MAGI3: variants seen among roughly 807,000 people sequenced by gnomAD.
MAGI3 encodes membrane-associated guanylate kinase, WW and PDZ domain-containing protein 3.
Under a neutral mutation model 121.8 loss-of-function variants are expected in MAGI3, and 43 were observed. The ratio of observed to expected loss-of-function variants is 0.35; its 90% CI spans 0.28 to 0.46. The LOEUF (loss-of-function observed/expected upper bound fraction) is 0.46. MAGI3 is among the 20% of genes least tolerant of loss of function. The probability of loss-of-function intolerance (pLI) is 1.00; values close to 1 mark genes in which losing one functional copy is unlikely to be tolerated. For synonymous variants in MAGI3, 553 were observed against 639.3 expected (o/e 0.86, Z 2.04); for missense variants, 1,547 against 1,797.3 (o/e 0.86, Z 2.52).
chr1:113,536,144 GTT>G (rs34587648), intron 1 of MAGI3, among the ~76,000 whole-genome samples: 69 of 145,546 alleles, frequency 4.7e-4, no homozygotes, highest in African/African-American at 8.4e-4. Flanking sequence ...GAAGACATGT[GTT>G]TTTTTTTTTT....
In MAGI3 at chr1:113,416,211, TATTATGTGTAATTAATGACACATATTA is replaced by T. The variant is rs1557744167; in HGVS notation, c.316+24870_316+24896del. ...TAATTATGTAATTAATGACACATAT[TATTATGTGTAATTAATGACACATATTA>T]ATTATGTAATTAATTACACATATTA... is the stretch of plus-strand genomic sequence containing the variant. On this transcript the variant is annotated intron_variant, in intron 1 of 20. Transcript: ENST00000307546. Among the ~76,000 whole-genome samples the T allele has an allele frequency of 7.2e-5, 5 of 69,250 alleles. 1 individual carries two copies. Among genetic ancestry groups the T allele is most frequent in the Non-Finnish European group, 9.2e-5 (3 of 32,508 alleles). The allele number at this position is 69,250 out of a possible 152,430, so 45.4% of individuals were successfully genotyped here. A position where few individuals can be genotyped will look rare whatever the true frequency, so the allele number is the denominator to read the frequency against.
intron 19 of MAGI3, among the ~76,000 whole-genome samples, chr1:113,680,632 C>G (rs1648159372): frequency 6.6e-6 from 1 of 152,076 alleles, no homozygotes; most frequent in African/African-American, 2.4e-5. Flanking sequence ...TGGCGGGCGC[C>G]TGTAGTCCCA....
At chr1:113,585,744 A>G (rs1483262577) in intron 4 of MAGI3, 148 bp downstream of exon 4, 2 of 676,784 alleles carry the variant, frequency 3.0e-6, no homozygotes, top group Non-Finnish European at 2.5e-6. Flanking sequence ...TGTGGAGCAA[A>G]GTGTATTTCT....
intron 6 of MAGI3, among the ~76,000 whole-genome samples, chr1:113,600,472 A>T (rs1461117783): frequency 2.0e-5 from 3 of 151,936 alleles, no homozygotes; most frequent in Non-Finnish European, 4.4e-5. Flanking sequence ...CCCATTCACA[A>T]TTGCTTCAAA....
intron 14 of MAGI3, among the ~76,000 whole-genome samples, chr1:113,653,527 G>A (rs539886415): frequency 1.3e-4 from 19 of 151,900 alleles, no homozygotes; most frequent in Middle Eastern, 3.4e-3. Context: ...AGCCGAGATC[G>A]CGCCACTGCA....
At position 113,590,498 on chromosome 1, in the gene MAGI3, C is replaced by T; in HGVS notation, c.778C>T (p.His260Tyr). The T allele has an allele frequency of 6.2e-7, 1 of 1,613,550 alleles. No homozygotes were observed. Among genetic ancestry groups the T allele is most frequent in the South Asian group, 1.1e-5 (1 of 91,044 alleles). ...AACAATGGCAGAAAACAGAGAGAGG[C>T]ATTCTGAGTCATCTGACTGGATGAA... ...GSGNAENRER[H>Y]SESSDWMKTV... Residue 260 changes from histidine (H) to tyrosine (Y), a missense_variant, in exon 5 of 21, where the codon CAT (histidine) becomes TAT (tyrosine). By Grantham distance (83) the His-to-Tyr change is moderately conservative. Transcript: ENST00000307546.
chr1:113,580,598 T>C lies in MAGI3; in HGVS notation c.490T>C (p.Ser164Pro), dbSNP rs1428430425. ...ACCAGGAGTGGATTATAATTTCATT[T>C]CCGTTGAACAGTTCAAAGCACTGGA... ...EVPGVDYNFI[S>P]VEQFKALEES... Residue 164 changes from serine (S) to proline (P), a missense_variant, in exon 3 of 21, where the codon TCC becomes CCC. By Grantham distance (74) the Ser-to-Pro change is moderately conservative. Coordinates refer to ENST00000307546, the MANE Select transcript of MAGI3 (RefSeq NM_001142782.2). The C allele has an allele frequency of 1.2e-6, 2 of 1,612,266 alleles. No individual in the cohort carries two copies. The highest frequency in any genetic ancestry group is 3.3e-5 in the Admixed American group (2 of 59,950).
Position 113,422,702 on chromosome 1 carries a change from G to A in MAGI3, c.316+31353G>A, listed in dbSNP as rs960124033. Among the ~76,000 whole-genome samples, 2 of 152,230 alleles carry A rather than the reference G, an allele frequency of 1.3e-5. No individual in the cohort carries two copies. Among genetic ancestry groups the A allele is most frequent in the African/African-American group, 2.4e-5 (1 of 41,458 alleles). Reference sequence around the variant, plus strand: ...TGTCTGGATAAGGGAACGTGGTGGCGCCTGAAAGCTGAGAGATACCAGGAA... The same window carrying A: ...TGTCTGGATAAGGGAACGTGGTGGCACCTGAAAGCTGAGAGATACCAGGAA... On this transcript the variant is annotated intron_variant, in intron 1 of 20. Transcript: ENST00000307546. The surrounding 1 kb of genome is among the most constrained non-coding windows in gnomAD (Gnocchi z 4.3).
At chr1:113,660,792 A>C (rs1653749379) in intron 16 of MAGI3, among the ~76,000 whole-genome samples, 1 of 136,164 alleles carries the variant, frequency 7.3e-6, no homozygotes, top group Non-Finnish European at 1.5e-5. Flanking sequence ...TTTTTGAGAT[A>C]GGGGTCTCAC....
intron 9 of MAGI3, among the ~76,000 whole-genome samples, chr1:113,639,571 T>C (rs1652315303): frequency 6.6e-6 from 1 of 152,044 alleles, no homozygotes; most frequent in African/African-American, 2.4e-5. Context: ...CTGGCTAATT[T>C]TTTTTCTTTT....
chr1:113,424,212 G>A (rs12738785), intron 1 of MAGI3, among the ~76,000 whole-genome samples: 5 of 12,860 alleles, frequency 3.9e-4, no homozygotes, highest in Non-Finnish European at 7.0e-4. Flanking sequence ...CTGCCCCCCC[G>A]CCCCCCGCTG....
At chr1:113,507,654 G>T (rs1405087500) in intron 1 of MAGI3, among the ~76,000 whole-genome samples, 1 of 152,088 alleles carries the variant, frequency 6.6e-6, no homozygotes, top group Non-Finnish European at 1.5e-5. Context: ...ATTTTTGATT[G>T]ACAGAATATG....
rs74445369 is a variant in MAGI3 at position 113,390,725 on chromosome 1, C to T, written c.-309C>T. 6.1e-3 allele frequency: 998 copies of T among 163,074 alleles called. 12 individuals are homozygous for T. The highest frequency in any genetic ancestry group is 0.02 in the African/African-American group (838 of 41,876). 10.1% of individuals were successfully genotyped at this position (163,074 alleles called of 1,614,324 possible). On this transcript the variant is annotated 5_prime_UTR_variant, in exon 1 of 21. Coordinates refer to ENST00000307546, the MANE Select transcript of MAGI3 (RefSeq NM_001142782.2). Reference sequence around the variant, plus strand: ...CCAGGGACCAGCCGGCGGCAGTGACCCCGCCCGAAGCCCCTTCTGGAACCT... The same window carrying T: ...CCAGGGACCAGCCGGCGGCAGTGACTCCGCCCGAAGCCCCTTCTGGAACCT...
intron 8 of MAGI3, among the ~76,000 whole-genome samples, chr1:113,620,073 A>G (rs895701578): frequency 2.0e-5 from 3 of 152,150 alleles, no homozygotes; most frequent in African/African-American, 7.2e-5. Flanking sequence ...CAGCTTTTTT[A>G]TGAATTTGAG....
intron 2 of MAGI3, among the ~76,000 whole-genome samples, chr1:113,556,907 A>G (rs1464471818): frequency 6.6e-6 from 1 of 152,228 alleles, no homozygotes; most frequent in African/African-American, 2.4e-5. Context: ...AATAAACTCA[A>G]CAACTTAGAT....
At chr1:113,548,021 C>G (rs956735388) in intron 1 of MAGI3, among the ~76,000 whole-genome samples, 3 of 152,170 alleles carry the variant, frequency 2.0e-5, no homozygotes, top group Non-Finnish European at 4.4e-5. Context: ...CTTATGTTAA[C>G]ACCGTCTTGC....
intron 1 of MAGI3, among the ~76,000 whole-genome samples, chr1:113,507,295 G>A (rs533296977): frequency 2.6e-5 from 4 of 152,106 alleles, no homozygotes; most frequent in Non-Finnish European, 5.9e-5. Context: ...GATAAACTCA[G>A]CACCTAAGCC....
At chr1:113,511,448 CT>C (rs1336550825) in intron 1 of MAGI3, among the ~76,000 whole-genome samples, 22 of 152,172 alleles carry the variant, frequency 1.4e-4, no homozygotes, top group Admixed American at 1.4e-3. Context: ...TGGCAAAAAG[CT>C]TTCTCAGCAA....
chr1:113,506,169 A>G (rs1161014568), intron 1 of MAGI3, among the ~76,000 whole-genome samples: 1 of 152,194 alleles, frequency 6.6e-6, no homozygotes, highest in Non-Finnish European at 1.5e-5. Flanking sequence ...TACATTTTGA[A>G]GGTTAAGGGA....
Sources: gnomAD v4.1 joint callset for allele counts (sites outside exome capture counted in the v4.1 genomes callset) on GRCh38, gnomAD v4.1.1 for gene constraint, Gnocchi (gnomAD v3.1) non-coding constraint, MANE v1.5 for transcripts, NCBI Gene and HGNC (gene_info 2026-07-23, HGNC 2026-07-21) for gene names.